The following ST6GALNAC3 variants were observed in gnomAD, a reference collection of about 807,000 sequenced individuals.
ST6GALNAC3 encodes ST6 N-acetylgalactosaminide alpha-2,6-sialyltransferase 3.
A neutral mutation model predicts 32.7 loss-of-function variants in ST6GALNAC3; 25 were observed. The observed-to-expected ratio is 0.76, with a 90% CI of 0.56 to 1.07. The LOEUF (loss-of-function observed/expected upper bound fraction) is 1.07, where lower values mean the gene tolerates loss of function less well. Ranked by LOEUF, ST6GALNAC3 falls within the 50% of genes least tolerant of loss-of-function variation. ST6GALNAC3 has a pLI of 0.00. For missense variants in ST6GALNAC3, 355 were observed against 382.4 expected (o/e 0.93, Z 0.60); for synonymous variants, 129 against 133.1 (o/e 0.97, Z 0.21).
At chr1:76,546,088 T>C (rs1388410062) in intron 3 of ST6GALNAC3, among the ~76,000 whole-genome samples, 2 of 152,308 alleles carry the variant, frequency 1.3e-5, no homozygotes, top group Non-Finnish European at 2.9e-5. Context: ...ACTTTCCAAT[T>C]TGGAATCTTA....
chr1:76,089,725 G>A (rs564379382), intron 1 of ST6GALNAC3, among the ~76,000 whole-genome samples: 21 of 152,094 alleles, frequency 1.4e-4, no homozygotes, highest in Non-Finnish European at 2.6e-4. Context: ...CTTGACATTC[G>A]GTTGACAGTA....
chr1:76,555,441 T>C (rs996637116), intron 3 of ST6GALNAC3, among the ~76,000 whole-genome samples: 1 of 152,106 alleles, frequency 6.6e-6, no homozygotes, highest in African/African-American at 2.4e-5. Flanking sequence ...GCTTTCAACA[T>C]AAGCTGGTGA....
chr1:76,310,423 T>A (rs1570774805), intron 1 of ST6GALNAC3, among the ~76,000 whole-genome samples: 1 of 151,748 alleles, frequency 6.6e-6, no homozygotes, highest in Admixed American at 6.6e-5. Context: ...AGATAAGGGG[T>A]GTTGAGGAGG....
At chr1:76,389,291 G>A (rs12740580) in intron 2 of ST6GALNAC3, among the ~76,000 whole-genome samples, 6,835 of 152,154 alleles carry the variant, frequency 0.045, 222 homozygotes, top group African/African-American at 0.086. Context: ...ACAAGAACAT[G>A]GCATGGTTGA....
chr1:76,560,271 T>C, intron 3 of ST6GALNAC3, among the ~76,000 whole-genome samples: 1 of 152,098 alleles, frequency 6.6e-6, no homozygotes, highest in East Asian at 1.9e-4. Context: ...GGACGTTGAT[T>C]TGGGCGAAAT....
intron 3 of ST6GALNAC3, among the ~76,000 whole-genome samples, chr1:76,459,923 T>G (rs1367999214): frequency 6.6e-6 from 1 of 152,236 alleles, no homozygotes; most frequent in Non-Finnish European, 1.5e-5. Context: ...CTCTTTTGGC[T>G]ACTGTGAGTA....
At chr1:76,444,160 C>G (rs1222205417) in intron 3 of ST6GALNAC3, among the ~76,000 whole-genome samples, 1 of 152,214 alleles carries the variant, frequency 6.6e-6, no homozygotes, top group African/African-American at 2.4e-5. Flanking sequence ...AGTGAGAAAA[C>G]TGATAGCCGC....
intron 2 of ST6GALNAC3, among the ~76,000 whole-genome samples, chr1:76,393,013 A>G (rs964344565): frequency 1.3e-5 from 2 of 152,184 alleles, no homozygotes; most frequent in African/African-American, 4.8e-5. Flanking sequence ...TATACACTTC[A>G]CTGCCATCTG....
At chr1:76,075,946 G>C (rs928319939) in intron 1 of ST6GALNAC3, among the ~76,000 whole-genome samples, 1 of 152,126 alleles carries the variant, frequency 6.6e-6, no homozygotes, top group Non-Finnish European at 1.5e-5. Flanking sequence ...ACTGTGTTCT[G>C]GTTACCTGAA....
In ST6GALNAC3 at chr1:76,478,329, A is replaced by G. The variant is rs373629931; in HGVS notation, c.623+65912A>G. ...GTCAAAGGTTATTTTGTTTGGACAG[A>G]GAAGTTACTCTACTGTATGGTGGAC... On this transcript the variant is annotated intron_variant, in intron 3 of 4. Transcript: ENST00000328299. Among the ~76,000 whole-genome samples the G allele has an allele frequency of 8.3e-4, 127 of 152,318 alleles. 1 individual carries two copies. Among genetic ancestry groups the G allele is most frequent in the African/African-American group, 2.9e-3 (122 of 41,578 alleles).
At chr1:76,589,442 G>A (rs911308212) in intron 3 of ST6GALNAC3, among the ~76,000 whole-genome samples, 1 of 151,848 alleles carries the variant, frequency 6.6e-6, no homozygotes, top group Non-Finnish European at 1.5e-5. Context: ...TGGCCCACAG[G>A]ACAAACGTGC....
At chr1:76,242,719 C>T (rs114933135) in intron 1 of ST6GALNAC3, among the ~76,000 whole-genome samples, 2,267 of 152,082 alleles carry the variant, frequency 0.015, 62 homozygotes, top group African/African-American at 0.053. Flanking sequence ...GTTTTTTGTT[C>T]CTGTTTTAGG....
At chr1:76,635,237 C>G (rs1039432800), downstream of ST6GALNAC3, among the ~76,000 whole-genome samples, 3 of 152,076 alleles carry the variant, frequency 2.0e-5, no homozygotes, top group African/African-American at 7.2e-5. Flanking sequence ...TTCTGCAAAT[C>G]TCAACACTCT....
intron 2 of ST6GALNAC3, among the ~76,000 whole-genome samples, chr1:76,323,546 T>C (rs1174857395): frequency 6.6e-6 from 1 of 152,208 alleles, no homozygotes; most frequent in Admixed American, 6.5e-5. Flanking sequence ...ATGAAGTCAG[T>C]AAGTTCATGG....
intron 3 of ST6GALNAC3, among the ~76,000 whole-genome samples, chr1:76,611,588 T>C (rs1362172536): frequency 6.6e-6 from 1 of 152,208 alleles, no homozygotes; most frequent in Non-Finnish European, 1.5e-5. Flanking sequence ...AGTGAATTGT[T>C]GGGAAAAACT....
intron 1 of ST6GALNAC3, among the ~76,000 whole-genome samples, chr1:76,145,386 G>A (rs1332864337): frequency 2.0e-5 from 3 of 152,136 alleles, no homozygotes; most frequent in African/African-American, 7.2e-5. Context: ...AACTCAAAGT[G>A]TGGGACGTGT....
intron 2 of ST6GALNAC3, among the ~76,000 whole-genome samples, chr1:76,315,769 A>G (rs529692534): frequency 6.6e-6 from 1 of 152,228 alleles, no homozygotes; most frequent in East Asian, 1.9e-4. Flanking sequence ...AATAAGGATA[A>G]CAACATCAGC....
At chr1:76,587,379 C>A (rs1304098932) in intron 3 of ST6GALNAC3, among the ~76,000 whole-genome samples, 1 of 152,178 alleles carries the variant, frequency 6.6e-6, no homozygotes, top group African/African-American at 2.4e-5. Flanking sequence ...TCGATCAGTT[C>A]TCCTCAGCGC....
At chr1:76,581,678 C>T (rs1309499603) in intron 3 of ST6GALNAC3, among the ~76,000 whole-genome samples, 1 of 152,154 alleles carries the variant, frequency 6.6e-6, no homozygotes, top group Non-Finnish European at 1.5e-5. Flanking sequence ...AATACTTGAA[C>T]ATTGGCAATT....
Sources: gnomAD v4.1 joint callset for allele counts (sites outside exome capture counted in the v4.1 genomes callset) on GRCh38, gnomAD v4.1.1 for gene constraint, MANE v1.5 for transcripts, NCBI Gene and HGNC (gene_info 2026-07-23, HGNC 2026-07-21) for gene names.